The following RORA variants were observed in gnomAD, a reference collection of about 807,000 sequenced individuals.
RORA encodes the protein nuclear receptor ROR-alpha.
A neutral mutation model predicts 69.5 loss-of-function variants in RORA; 7 were observed. The observed-to-expected ratio is 0.10, with a 90% confidence interval of 0.06 to 0.19. The LOEUF (loss-of-function observed/expected upper bound fraction) is 0.19. Ranked by LOEUF, RORA falls within the 10% of genes least tolerant of loss-of-function variation. The pLI, the probability that RORA is intolerant of heterozygous loss-of-function variation, is 1.00. For missense variants in RORA, 457 were observed against 663.0 expected, an observed-to-expected ratio of 0.69 and a Z score of 3.41; for synonymous variants, 261 against 240.8, an observed-to-expected ratio of 1.08 and a Z score of -0.78.
At chr15:61,093,580 C>T (rs566457705) in intron 1 of RORA, among the ~76,000 whole-genome samples, 7 of 152,290 alleles carry the variant, frequency 4.6e-5, no homozygotes, top group Admixed American at 2.0e-4. Context: ...ATCTATACCC[C>T]GATATGGTAG....
At chr15:60,995,771 C>T (rs997864167) in intron 1 of RORA, among the ~76,000 whole-genome samples, 5 of 152,188 alleles carry the variant, frequency 3.3e-5, no homozygotes, top group South Asian at 2.1e-4. Context: ...CCAAATAGTA[C>T]GCCCCACATA....
At chr15:60,806,158 A>G (rs2072657250) in intron 1 of RORA, among the ~76,000 whole-genome samples, 3 of 152,070 alleles carry the variant, frequency 2.0e-5, no homozygotes. Flanking sequence ...GAGGAGAATA[A>G]CTCCCTGCTT....
chr15:61,190,109 A>C (rs527532155), intron 1 of RORA, among the ~76,000 whole-genome samples: 1 of 152,216 alleles, frequency 6.6e-6, no homozygotes, highest in African/African-American at 2.4e-5. Context: ...AAACTCCAAA[A>C]GCCTGGTGAG....
chr15:60,734,252 C>T (rs2071469222), intron 1 of RORA, among the ~76,000 whole-genome samples: 1 of 152,164 alleles, frequency 6.6e-6, no homozygotes. Flanking sequence ...AAATACAAAC[C>T]TGAGTCTCTC....
chr15:60,752,043 G>A lies in RORA; in HGVS notation c.167-73357C>T, dbSNP rs191099558. ...TTGAGAGAAGGGCCATCAATAAGGA[G>A]GTGGAGAAGGATCATCCGAGCTAGG... On this transcript the variant is annotated intron_variant, in intron 1 of 10. Transcript: ENST00000335670. 5.3e-5 allele frequency among the ~76,000 whole-genome samples: 8 copies of A among 152,186 alleles called. No homozygotes were observed. The East Asian group carries it at 1.5e-3, about 29-fold the overall frequency.
At chr15:61,017,230 C>G (rs1895326311) in intron 1 of RORA, among the ~76,000 whole-genome samples, 1 of 152,170 alleles carries the variant, frequency 6.6e-6, no homozygotes, top group Non-Finnish European at 1.5e-5. Context: ...AGAGATTCAA[C>G]AGAACCCAGG....
At chr15:60,994,426 C>T (rs1352460787) in intron 1 of RORA, among the ~76,000 whole-genome samples, 1 of 152,184 alleles carries the variant, frequency 6.6e-6, no homozygotes, top group African/African-American at 2.4e-5. Context: ...AATAACCAGA[C>T]CTACATCTCC....
chr15:60,548,842 G>T (rs927247427), intron 2 of RORA, among the ~76,000 whole-genome samples: 5 of 151,962 alleles, frequency 3.3e-5, no homozygotes, highest in African/African-American at 7.2e-5. Context: ...TTTCACCGTG[G>T]TCTCGATCTC....
intron 1 of RORA, among the ~76,000 whole-genome samples, chr15:60,710,610 G>C (rs1159645099): frequency 1.3e-5 from 2 of 152,232 alleles, no homozygotes; most frequent in Non-Finnish European, 2.9e-5. Context: ...ATATGTTCAA[G>C]TCTCAACCCA....
chr15:60,978,058 T>C (rs1893927463), intron 1 of RORA, among the ~76,000 whole-genome samples: 1 of 152,188 alleles, frequency 6.6e-6, no homozygotes, highest in East Asian at 1.9e-4. Flanking sequence ...AGAGGCTGGA[T>C]CATTATACAT....
chr15:60,619,726 G>A (rs1019366983), intron 2 of RORA, among the ~76,000 whole-genome samples: 13 of 152,278 alleles, frequency 8.5e-5, no homozygotes, highest in African/African-American at 3.1e-4. Flanking sequence ...TATCACACAA[G>A]GATCATCCAT....
chr15:60,599,781 A>C (rs1212641193), intron 2 of RORA, among the ~76,000 whole-genome samples: 2 of 152,346 alleles, frequency 1.3e-5, no homozygotes, highest in South Asian at 4.1e-4. Context: ...TGAAAAAATA[A>C]TTGGAGGTAG....
intron 1 of RORA, among the ~76,000 whole-genome samples, chr15:60,984,902 G>A (rs971021038): frequency 1.3e-5 from 2 of 151,914 alleles, no homozygotes; most frequent in African/African-American, 4.8e-5. Context: ...AGGGAGAGGG[G>A]AGGAACTAGT....
At chr15:60,543,497 T>G (rs529072079) in intron 2 of RORA, among the ~76,000 whole-genome samples, 1 of 152,210 alleles carries the variant, frequency 6.6e-6, no homozygotes, top group East Asian at 1.9e-4. Context: ...TTTTTTTCTT[T>G]AGACAGGGTC....
chr15:60,719,847 T>G (rs1291146509), intron 1 of RORA, among the ~76,000 whole-genome samples: 1 of 152,156 alleles, frequency 6.6e-6, no homozygotes, highest in African/African-American at 2.4e-5. Context: ...AAAATTGATT[T>G]TGGGATGGGG....
intron 1 of RORA, among the ~76,000 whole-genome samples, chr15:60,876,657 C>T (rs796780014): frequency 4.6e-5 from 7 of 151,952 alleles, no homozygotes; most frequent in African/African-American, 1.7e-4. Context: ...TTACATAGTA[C>T]CATTTCCAGG....
chr15:60,918,252 C>G (rs8027399), intron 1 of RORA, among the ~76,000 whole-genome samples: 151,205 of 152,368 alleles, frequency 0.99, 75,038 homozygotes, highest in East Asian at 1. Flanking sequence ...CATGAGAAAA[C>G]AAAGAGCAGG....
chr15:61,186,355 C>T (rs1162217819), intron 1 of RORA, among the ~76,000 whole-genome samples: 1 of 152,040 alleles, frequency 6.6e-6, no homozygotes, highest in Non-Finnish European at 1.5e-5. Flanking sequence ...AATCCAGATG[C>T]CCTGGCCAGG....
intron 1 of RORA, among the ~76,000 whole-genome samples, chr15:60,694,348 G>A (rs1256810724): frequency 6.6e-6 from 1 of 152,160 alleles, no homozygotes; most frequent in Admixed American, 6.6e-5. Context: ...AAAAGTCAAA[G>A]GTACCCGGCA....
Sources: gnomAD v4.1 joint callset for allele counts (sites outside exome capture counted in the v4.1 genomes callset) on GRCh38, gnomAD v4.1.1 for gene constraint, MANE v1.5 for transcripts, NCBI Gene and HGNC (gene_info 2026-07-23, HGNC 2026-07-21) for gene names.